The following CACNA2D3 variants were observed in gnomAD, a reference collection of about 807,000 sequenced individuals.
The protein encoded by CACNA2D3 is voltage-dependent calcium channel subunit alpha-2/delta-3.
In CACNA2D3, 60 loss-of-function variants were observed where a neutral mutation model predicts 160.6. That is an observed-to-expected ratio of 0.37 (90% CI 0.30 to 0.46). The LOEUF (loss-of-function observed/expected upper bound fraction) is 0.46. Among genes scored for constraint, CACNA2D3 ranks in the 20% least tolerant of loss-of-function variants. CACNA2D3 has a pLI of 1.00. For missense variants in CACNA2D3, 1,205 were observed against 1,365.0 expected (o/e 0.88, Z 1.85); for synonymous variants, 558 against 492.9 (o/e 1.13, Z -1.75).
At chr3:54,325,123 A>G (rs1276810862) in intron 3 of CACNA2D3, among the ~76,000 whole-genome samples, 2 of 152,192 alleles carry the variant, frequency 1.3e-5, no homozygotes, top group Non-Finnish European at 2.9e-5. Flanking sequence ...CAAACTATCA[A>G]TCAACTGCAA....
At chr3:54,736,102 T>TAC (rs1304902387) in intron 11 of CACNA2D3, among the ~76,000 whole-genome samples, 890 of 26,548 alleles carry the variant, frequency 0.034, 122 homozygotes, top group South Asian at 0.12. Context: ...TATATATACA[T>TAC]ATATATGTAT....
chr3:54,464,488 CT>C (rs1241675740), intron 4 of CACNA2D3, among the ~76,000 whole-genome samples: 9 of 152,244 alleles, frequency 5.9e-5, no homozygotes, highest in Non-Finnish European at 1.3e-4. Context: ...GCGAGCGCCC[CT>C]CCCCCAGCCT....
chr3:55,068,143 C>CA (rs1704711538), intron 35 of CACNA2D3, among the ~76,000 whole-genome samples: 1 of 152,212 alleles, frequency 6.6e-6, no homozygotes, highest in South Asian at 2.1e-4. Flanking sequence ...GCAGAAGGTG[C>CA]CTGCAGCCAG....
At chr3:54,631,202 A>AC (rs1375535438) in intron 10 of CACNA2D3, among the ~76,000 whole-genome samples, 5 of 129,714 alleles carry the variant, frequency 3.9e-5, no homozygotes, top group Non-Finnish European at 5.0e-5. Context: ...AGACTCCATC[A>AC]AACACACACA....
At chr3:54,419,305 C>A (rs1477688970) in intron 4 of CACNA2D3, among the ~76,000 whole-genome samples, 1 of 152,166 alleles carries the variant, frequency 6.6e-6, no homozygotes, top group African/African-American at 2.4e-5. Flanking sequence ...TAGAAGCCCC[C>A]ATCTTACTAG....
At position 54,971,209 on chromosome 3, in the gene CACNA2D3, G is replaced by A. The variant is rs72877988; in HGVS notation, c.2556+1365G>A. On this transcript the variant is annotated intron_variant, in intron 29 of 37. Coordinates refer to ENST00000474759, the MANE Select transcript of CACNA2D3 (RefSeq NM_018398.3). ...ATTTCCCCTTAGGAAAGAATACCCTGTGAAGTTGTATGGTCCACACCCTTT... is the reference window on the plus strand; with the variant it reads ...ATTTCCCCTTAGGAAAGAATACCCTATGAAGTTGTATGGTCCACACCCTTT... Among the ~76,000 whole-genome samples the A allele has an allele frequency of 2.0e-3, 306 of 152,200 alleles. 1 individual carries two copies. The highest frequency in any genetic ancestry group is 7.2e-3 in the African/African-American group (297 of 41,522).
chr3:54,150,877 CAG>C (rs1173488007), intron 2 of CACNA2D3, among the ~76,000 whole-genome samples: 1 of 150,232 alleles, frequency 6.7e-6, no homozygotes, highest in Non-Finnish European at 1.5e-5. Context: ...GAGAAAGGGA[CAG>C]AGAGGTGAGT....
Position 54,736,050 on chromosome 3 carries a change from TAC to T in CACNA2D3, c.1168-16547_1168-16546del, listed in dbSNP as rs199944961. Among the ~76,000 whole-genome samples the T allele has an allele frequency of 1.5e-3, 59 of 38,580 alleles. 4 individuals are homozygous for T. Among genetic ancestry groups the T allele is most frequent in the Non-Finnish European group, 2.8e-3 (50 of 17,796 alleles). 25.3% of individuals were successfully genotyped at this position (38,580 alleles called of 152,430 possible). On this transcript the variant is annotated intron_variant, in intron 11 of 37. Transcript: ENST00000474759. ...ATATATATATGTATATATATACACA[TAC>T]ATATGTATGTATATATATATACATA...
At chr3:54,534,926 C>T (rs955212914) in intron 5 of CACNA2D3, among the ~76,000 whole-genome samples, 1 of 152,108 alleles carries the variant, frequency 6.6e-6, no homozygotes, top group Admixed American at 6.5e-5. Context: ...GCCTCTGTAT[C>T]AAAAAATAAA....
At chr3:54,432,620 G>A (rs1284651927) in intron 4 of CACNA2D3, among the ~76,000 whole-genome samples, 1 of 152,122 alleles carries the variant, frequency 6.6e-6, no homozygotes, top group Non-Finnish European at 1.5e-5. Context: ...GGCTTGGTTA[G>A]GATTCTGTTA....
At chr3:54,665,417 G>A (rs1700046255) in intron 11 of CACNA2D3, among the ~76,000 whole-genome samples, 1 of 152,334 alleles carries the variant, frequency 6.6e-6, no homozygotes, top group African/African-American at 2.4e-5. Context: ...GTCCTCCAGG[G>A]TTCGCCTTCT....
chr3:54,850,780 C>T (rs987264521), intron 17 of CACNA2D3, among the ~76,000 whole-genome samples: 4 of 152,184 alleles, frequency 2.6e-5, no homozygotes, highest in Non-Finnish European at 1.5e-5. Flanking sequence ...TTGAAATTGG[C>T]CAGAAGCTGT....
At position 54,960,279 on chromosome 3, in the gene CACNA2D3, C is replaced by T. The variant is rs574288690; in HGVS notation, c.2450-8171C>T. ...TGTGAGCTATTTCTCCTCCCTCTCT[C>T]TCACCACAGACATATATCATGGAGT... On this transcript the variant is annotated intron_variant, in intron 27 of 37. Coordinates refer to ENST00000474759, the MANE Select transcript of CACNA2D3 (RefSeq NM_018398.3). Among the ~76,000 whole-genome samples the T allele has an allele frequency of 3.3e-5, 5 of 152,132 alleles. No individual in the cohort carries two copies. The East Asian group carries it at 9.7e-4, about 29-fold the overall frequency.
chr3:54,421,500 C>T (rs1992962), intron 4 of CACNA2D3, among the ~76,000 whole-genome samples: 51,255 of 151,838 alleles, frequency 0.34, 8,965 homozygotes, highest in East Asian at 0.41. Context: ...GACACCTGCT[C>T]CTGAGCCAGG....
intron 25 of CACNA2D3, among the ~76,000 whole-genome samples, chr3:54,895,901 G>A (rs1279630735): frequency 6.6e-6 from 1 of 152,208 alleles, no homozygotes; most frequent in South Asian, 2.1e-4. Context: ...GTGCACAAAT[G>A]TGAACAAATC....
chr3:54,729,858 G>A (rs545787197), intron 11 of CACNA2D3, among the ~76,000 whole-genome samples: 18 of 151,970 alleles, frequency 1.2e-4, no homozygotes, highest in Non-Finnish European at 2.5e-4. Context: ...AATAAGCTGG[G>A]CGTGATGGCA....
chr3:54,826,553 G>T (rs1230289114), intron 14 of CACNA2D3, among the ~76,000 whole-genome samples: 1 of 152,150 alleles, frequency 6.6e-6, no homozygotes, highest in Non-Finnish European at 1.5e-5. Flanking sequence ...TGAGCCCTGT[G>T]TGCTTGGATG....
chr3:54,693,887 A>T (rs981252277), intron 11 of CACNA2D3, among the ~76,000 whole-genome samples: 2 of 152,228 alleles, frequency 1.3e-5, no homozygotes, highest in Non-Finnish European at 2.9e-5. Flanking sequence ...TTTATATTTT[A>T]AGTCATGTTA....
chr3:55,001,167 A>G (rs187093557), intron 31 of CACNA2D3, among the ~76,000 whole-genome samples: 85 of 152,334 alleles, frequency 5.6e-4, no homozygotes, highest in African/African-American at 1.9e-3. Flanking sequence ...GCCCATGGAC[A>G]GAAGTTCCTG....
Sources: allele counts gnomAD v4.1 joint callset (sites outside exome capture counted in the v4.1 genomes callset), GRCh38; gene constraint gnomAD v4.1.1; transcripts MANE v1.5; gene names NCBI Gene and HGNC (gene_info 2026-07-23, HGNC 2026-07-21).